Variants in KCNIP4 observed in about 807,000 individuals in gnomAD.
The protein encoded by KCNIP4 is potassium voltage-gated channel interacting protein 4, also known as Kv channel-interacting protein 4.
Under a neutral mutation model 34.0 loss-of-function variants are expected in KCNIP4, and 12 were observed. The ratio of observed to expected loss-of-function variants is 0.35; its 90% CI spans 0.23 to 0.57. The LOEUF is 0.57. Ranked by LOEUF, KCNIP4 falls within the 20% of genes least tolerant of loss-of-function variation. The pLI, the probability that KCNIP4 is intolerant of heterozygous loss-of-function variation, is 0.83. For synonymous variants in KCNIP4, 124 were observed against 102.2 expected (o/e 1.21, Z -1.29); for missense variants, 238 against 311.7 (o/e 0.76, Z 1.78).
intron 1 of KCNIP4, among the ~76,000 whole-genome samples, chr4:21,197,819 T>G (rs1756166096): frequency 6.6e-6 from 1 of 152,202 alleles, no homozygotes; most frequent in Non-Finnish European, 1.5e-5. Flanking sequence ...CATTTTAAGT[T>G]ATTATTTACA....
chr4:21,758,928 TAAC>T (rs1428751855), intron 1 of KCNIP4, among the ~76,000 whole-genome samples: 1 of 151,332 alleles, frequency 6.6e-6, no homozygotes, highest in Non-Finnish European at 1.5e-5. Context: ...AGGATAATAA[TAAC>T]AATAATAATA....
chr4:21,034,607 A>G (rs1044257370), intron 1 of KCNIP4, among the ~76,000 whole-genome samples: 11 of 152,100 alleles, frequency 7.2e-5, no homozygotes, highest in African/African-American at 2.7e-4. Flanking sequence ...CTGAGAAATG[A>G]TGGTCGAATG....
At chr4:20,900,487 G>T (rs1239368200) in intron 1 of KCNIP4, among the ~76,000 whole-genome samples, 1 of 152,170 alleles carries the variant, frequency 6.6e-6, no homozygotes, top group East Asian at 1.9e-4. Context: ...CATCATTGTT[G>T]GTTGAATTTC....
chr4:21,108,043 T>C (rs189925260), intron 1 of KCNIP4, among the ~76,000 whole-genome samples: 3,398 of 151,226 alleles, frequency 0.022, 215 homozygotes, highest in African/African-American at 0.079. Context: ...ATTTTTTCCT[T>C]CATTTCAACT....
intron 3 of KCNIP4, among the ~76,000 whole-genome samples, chr4:20,823,182 G>A (rs10006300): frequency 0.44 from 67,367 of 151,956 alleles, 15,905 homozygotes; most frequent in Non-Finnish European, 0.53. Flanking sequence ...TATAGCATCA[G>A]GAACAGACTG....
In KCNIP4 at chr4:21,140,827, G is replaced by A. The variant is rs1008622485; in HGVS notation, c.62-258118C>T. ...AAGGTTGGAAAGTCCCTGTCCATCT[G>A]CTATTGATCACCTTTAAGGTCCTCT... On this transcript the variant is annotated intron_variant, in intron 1 of 8. Transcript: ENST00000382152. Among the ~76,000 whole-genome samples the A allele has an allele frequency of 9.9e-5, 15 of 152,242 alleles. No homozygotes were observed. In the South Asian group the frequency reaches 2.9e-3, roughly 29 times the overall value.
intron 1 of KCNIP4, among the ~76,000 whole-genome samples, chr4:21,691,691 C>CTTTTTTTTTTTTTTTT (rs36004947): frequency 6.8e-5 from 7 of 103,144 alleles, no homozygotes; most frequent in Non-Finnish European, 9.3e-5. Context: ...AAACGCAGCT[C>CTTTTTTTTTTTTTTTT]TTTTTTTTTT....
At chr4:21,917,727 G>A (rs1728717673) in intron 1 of KCNIP4, among the ~76,000 whole-genome samples, 1 of 152,070 alleles carries the variant, frequency 6.6e-6, no homozygotes, top group Non-Finnish European at 1.5e-5. Flanking sequence ...AGAGAATAAG[G>A]CAGCTTCAGT....
chr4:21,822,867 A>AC (rs1722443470), intron 1 of KCNIP4, among the ~76,000 whole-genome samples: 1 of 151,922 alleles, frequency 6.6e-6, no homozygotes, highest in South Asian at 2.1e-4. Context: ...ACAGGTGCCC[A>AC]CCACCATGCC....
intron 1 of KCNIP4, among the ~76,000 whole-genome samples, chr4:21,704,109 G>A (rs1713078546): frequency 6.6e-6 from 1 of 152,142 alleles, no homozygotes. Context: ...TGACGCTGGA[G>A]CAAATGGACA....
chr4:20,902,328 AC>A (rs1469730438), intron 1 of KCNIP4, among the ~76,000 whole-genome samples: 1 of 152,032 alleles, frequency 6.6e-6, no homozygotes, highest in African/African-American at 2.4e-5. Context: ...GATGCTGGAA[AC>A]CACAGGGAGA....
chr4:21,351,832 G>T (rs1560317200), intron 1 of KCNIP4, among the ~76,000 whole-genome samples: 1 of 152,100 alleles, frequency 6.6e-6, no homozygotes, highest in Non-Finnish European at 1.5e-5. Flanking sequence ...CTAAATTTTG[G>T]ACTTCCAGCC....
chr4:21,525,911 A>AAT (rs1735933391), intron 1 of KCNIP4, among the ~76,000 whole-genome samples: 1 of 152,166 alleles, frequency 6.6e-6, no homozygotes, highest in Non-Finnish European at 1.5e-5. Flanking sequence ...TTGAAAATTA[A>AAT]ATTTTATTGA....
intron 1 of KCNIP4, among the ~76,000 whole-genome samples, chr4:20,906,145 T>C (rs1301102850): frequency 6.8e-6 from 1 of 147,514 alleles, no homozygotes; most frequent in Non-Finnish European, 1.5e-5. Context: ...TCTCTCTCTC[T>C]TGTCGGGCAG....
chr4:20,912,661 C>A (rs1208051325), intron 1 of KCNIP4, among the ~76,000 whole-genome samples: 1 of 152,080 alleles, frequency 6.6e-6, no homozygotes, highest in Non-Finnish European at 1.5e-5. Context: ...ATCCAAAATA[C>A]ATAGAAAACT....
intron 1 of KCNIP4, among the ~76,000 whole-genome samples, chr4:20,933,407 T>G (rs1041942166): frequency 6.6e-6 from 1 of 152,264 alleles, no homozygotes; most frequent in South Asian, 2.1e-4. Context: ...ATCTGATAAG[T>G]AAATGTTCTA....
intron 1 of KCNIP4, among the ~76,000 whole-genome samples, chr4:20,981,261 A>T (rs892005523): frequency 1.3e-5 from 2 of 152,202 alleles, no homozygotes; most frequent in African/African-American, 4.8e-5. Flanking sequence ...TCTTGCCTCT[A>T]ATCTATGACA....
At chr4:21,724,016 A>T (rs548453434) in intron 1 of KCNIP4, among the ~76,000 whole-genome samples, 12 of 152,178 alleles carry the variant, frequency 7.9e-5, no homozygotes, top group African/African-American at 2.9e-4. Flanking sequence ...CTCAGGGAAG[A>T]TTGTCAGGAT....
intron 1 of KCNIP4, among the ~76,000 whole-genome samples, chr4:21,197,993 T>C (rs997303667): frequency 6.6e-6 from 1 of 152,174 alleles, no homozygotes. Flanking sequence ...AACAATATTC[T>C]TGAGACACAT....
Sources: gnomAD v4.1 joint callset for allele counts (sites outside exome capture counted in the v4.1 genomes callset) on GRCh38, gnomAD v4.1.1 for gene constraint, MANE v1.5 for transcripts, NCBI Gene and HGNC (gene_info 2026-07-23, HGNC 2026-07-21) for gene names.